CACNA2D3: variants seen among roughly 807,000 people sequenced by gnomAD.
CACNA2D3 encodes the protein calcium voltage-gated channel auxiliary subunit alpha2delta 3.
Under a neutral mutation model 160.6 loss-of-function variants are expected in CACNA2D3, and 60 were observed. That is an observed-to-expected ratio of 0.37 (90% CI 0.30 to 0.46). CACNA2D3 has a LOEUF of 0.46. CACNA2D3 is among the 20% of genes least tolerant of loss of function. The pLI is 1.00. For synonymous variants in CACNA2D3, 558 were observed against 492.9 expected (o/e 1.13, Z -1.75); for missense variants, 1,205 against 1,365.0 (o/e 0.88, Z 1.85).
chr3:55,030,988 A>G (rs1014008153), intron 35 of CACNA2D3, among the ~76,000 whole-genome samples: 8 of 152,182 alleles, frequency 5.3e-5, no homozygotes, highest in African/African-American at 1.9e-4. Flanking sequence ...TCCCATTTGT[A>G]CATTTCTTAA....
At chr3:55,051,734 C>A (rs1704222453) in intron 35 of CACNA2D3, among the ~76,000 whole-genome samples, 1 of 152,174 alleles carries the variant, frequency 6.6e-6, no homozygotes, top group Non-Finnish European at 1.5e-5. Context: ...TGATCTCAGA[C>A]TGCTGTGCTA....
chr3:54,997,409 A>C (rs1320698167), intron 31 of CACNA2D3, among the ~76,000 whole-genome samples: 1 of 152,124 alleles, frequency 6.6e-6, no homozygotes, highest in African/African-American at 2.4e-5. Context: ...TCATGTATAT[A>C]AAATTACTTT....
At chr3:54,994,297 A>G (rs1396266573) in intron 31 of CACNA2D3, among the ~76,000 whole-genome samples, 2 of 152,042 alleles carry the variant, frequency 1.3e-5, no homozygotes, top group Admixed American at 6.6e-5. Context: ...GAATTCTGTT[A>G]TGTTTGGATG....
At chr3:54,884,994 A>C (rs536436689) in intron 21 of CACNA2D3, among the ~76,000 whole-genome samples, 1 of 152,124 alleles carries the variant, frequency 6.6e-6, no homozygotes, top group East Asian at 1.9e-4. Flanking sequence ...CTCCCTCCGG[A>C]CTCATTTGTG....
At position 54,318,988 on chromosome 3, in the gene CACNA2D3, G is replaced by T. The variant is rs371091661; in HGVS notation, c.205-1454G>T. ...TCCAGCCTCACCTCTAGGCTCTAAG[G>T]ATTTTGTTTTAGTTTAAGGATCTGA... is the stretch of plus-strand genomic sequence containing the variant. On this transcript the variant is annotated intron_variant, in intron 2 of 37. Coordinates refer to ENST00000474759, the MANE Select transcript of CACNA2D3 (RefSeq NM_018398.3). 1.2e-3 allele frequency among the ~76,000 whole-genome samples: 188 copies of T among 152,202 alleles called. 6 individuals carry two copies. In the South Asian group the frequency reaches 0.037, roughly 30 times the overall value.
chr3:54,413,367 G>C (rs1028799336), intron 4 of CACNA2D3, among the ~76,000 whole-genome samples: 4 of 147,988 alleles, frequency 2.7e-5, no homozygotes, highest in Non-Finnish European at 4.5e-5. Flanking sequence ...TACACAGTGT[G>C]ATAAGGATGT....
intron 17 of CACNA2D3, among the ~76,000 whole-genome samples, chr3:54,855,941 G>A (rs1699159432): frequency 6.6e-6 from 1 of 152,120 alleles, no homozygotes; most frequent in Admixed American, 6.6e-5. Context: ...TAAAACTTTA[G>A]TCCTCTCAGC....
At position 54,345,379 on chromosome 3, in the gene CACNA2D3, C is replaced by A. The variant is rs116684719; in HGVS notation, c.321+24821C>A. Among the ~76,000 whole-genome samples, 1,327 of 152,256 alleles carry A rather than the reference C, an allele frequency of 8.7e-3. 17 individuals carry two copies. Among genetic ancestry groups the A allele is most frequent in the Non-Finnish European group, 0.013 (880 of 68,010 alleles). On this transcript the variant is annotated intron_variant, in intron 3 of 37. Coordinates refer to ENST00000474759, the MANE Select transcript of CACNA2D3 (RefSeq NM_018398.3). ...ATGTTTAACAGAATGTTTTTCTTTA[C>A]ATTTTCTTCTTTTTTTCAATTTATT...
At chr3:54,516,233 G>T (rs1314571547) in intron 5 of CACNA2D3, among the ~76,000 whole-genome samples, 1 of 152,192 alleles carries the variant, frequency 6.6e-6, no homozygotes, top group African/African-American at 2.4e-5. Context: ...TCACACCTCA[G>T]ATAGGTGAGT....
At chr3:54,678,638 T>C (rs1039655125) in intron 11 of CACNA2D3, among the ~76,000 whole-genome samples, 3 of 141,274 alleles carry the variant, frequency 2.1e-5, no homozygotes, top group Non-Finnish European at 4.6e-5. Context: ...GAAGAATCGC[T>C]TGAAGCCGGG....
intron 4 of CACNA2D3, among the ~76,000 whole-genome samples, chr3:54,478,362 G>A (rs1700866148): frequency 6.6e-6 from 1 of 152,028 alleles, no homozygotes. Context: ...GCCAGGCGCA[G>A]TGGCTCACAC....
intron 17 of CACNA2D3, among the ~76,000 whole-genome samples, chr3:54,859,972 G>GTGCGCACA (rs1553891455): frequency 7.5e-6 from 1 of 133,788 alleles, no homozygotes; most frequent in Non-Finnish European, 1.6e-5. Flanking sequence ...GAAAGTAGAT[G>GTGCGCACA]CACACACACA....
At chr3:54,654,771 C>T (rs535526) in intron 11 of CACNA2D3, among the ~76,000 whole-genome samples, 125,213 of 152,036 alleles carry the variant, frequency 0.82, 53,543 homozygotes, top group Non-Finnish European at 0.94. Flanking sequence ...TCTGTGAATG[C>T]TGGCGAGCTA....
intron 2 of CACNA2D3, among the ~76,000 whole-genome samples, chr3:54,318,122 C>T (rs2107505648): frequency 6.7e-6 from 1 of 148,614 alleles, no homozygotes; most frequent in East Asian, 2.1e-4. Flanking sequence ...TAGGCTCCAT[C>T]CAGAGAAATC....
intron 11 of CACNA2D3, among the ~76,000 whole-genome samples, chr3:54,648,853 G>A (rs1699703496): frequency 6.6e-6 from 1 of 152,142 alleles, no homozygotes; most frequent in Non-Finnish European, 1.5e-5. Flanking sequence ...GGTAGGGCCA[G>A]GCTGTTTTTA....
chr3:54,869,308 T>C (rs183522760), intron 17 of CACNA2D3, among the ~76,000 whole-genome samples: 3 of 152,360 alleles, frequency 2.0e-5, no homozygotes, highest in Non-Finnish European at 1.5e-5. Flanking sequence ...TTTATTTAAC[T>C]TGTGAGAACC....
At chr3:54,320,211 T>A (rs571051818) in intron 2 of CACNA2D3, among the ~76,000 whole-genome samples, 1 of 152,338 alleles carries the variant, frequency 6.6e-6, no homozygotes, top group South Asian at 2.1e-4. Context: ...TTAAGATATA[T>A]TCCTTTCCTG....
At chr3:54,927,629 T>C (rs1023046305) in intron 27 of CACNA2D3, among the ~76,000 whole-genome samples, 1 of 152,178 alleles carries the variant, frequency 6.6e-6, no homozygotes, top group South Asian at 2.1e-4. Context: ...AGGAATAATA[T>C]ACGAACTCCA....
Position 54,984,132 on chromosome 3 carries a change from CTGGTCCCCTGA to C in CACNA2D3, c.2557-469_2557-459del, listed in dbSNP as rs200000675. Among the ~76,000 whole-genome samples, 19 of 152,222 alleles carry C rather than the reference CTGGTCCCCTGA, an allele frequency of 1.2e-4. No individual in the cohort carries two copies. The East Asian group carries it at 3.7e-3, about 29-fold the overall frequency. Reference sequence around the variant, plus strand: ...CTATGAACAAATTAAAAAATATTACCTGGTCCCCTGATGGTCCTCTGAGCTGACACGGTGTT... The same window carrying C: ...CTATGAACAAATTAAAAAATATTACCTGGTCCTCTGAGCTGACACGGTGTT... On this transcript the variant is annotated intron_variant, in intron 29 of 37. Transcript: ENST00000474759.
Sources: gnomAD v4.1 joint callset for allele counts (sites outside exome capture counted in the v4.1 genomes callset) on GRCh38, gnomAD v4.1.1 for gene constraint, MANE v1.5 for transcripts, NCBI Gene and HGNC (gene_info 2026-07-23, HGNC 2026-07-21) for gene names.